The following RNF213 variants were observed in gnomAD, a reference collection of about 807,000 sequenced individuals.
RNF213 encodes E3 ubiquitin-protein ligase RNF213.
RNF213 carries 341 observed loss-of-function variants against 514.4 expected under a neutral mutation model. The ratio of observed to expected loss-of-function variants is 0.66; its 90% CI spans 0.61 to 0.73. The LOEUF is 0.73. RNF213 is among the 30% of genes least tolerant of loss of function. RNF213 has a pLI of 0.00. For missense variants in RNF213, 5,767 were observed against 6,615.6 expected (o/e 0.87, Z 4.45); for synonymous variants, 2,655 against 2,658.2 (o/e 1.00, Z 0.04).
intron 63 of RNF213, among the ~76,000 whole-genome samples, chr17:80,388,052 C>T (rs892925443): frequency 2.0e-5 from 3 of 151,908 alleles, no homozygotes; most frequent in Non-Finnish European, 2.9e-5. Context: ...CTCCACCTCC[C>T]GGGTTCACTC....
intron 45 of RNF213, 24 bp from the exon 46 acceptor site, chr17:80,369,744 C>G: frequency 6.2e-7 from 1 of 1,612,102 alleles, no homozygotes; most frequent in Non-Finnish European, 8.5e-7. Context: ...ATGCAGTGAG[C>G]TGCCTTTTTC....
rs772974232 is a variant in RNF213 at position 80,376,430 on chromosome 17, C to G, written c.13315C>G (p.Leu4439Val). The change falls in exon 52 of 68, where the codon CTT becomes GTT. Residue 4439 changes from leucine to valine, a missense_variant. Physicochemically the swap from Leu to Val is conservative, Grantham distance 32. Coordinates refer to ENST00000582970, the MANE Select transcript of RNF213 (RefSeq NM_001256071.3). ...LLRAGPSDSNLDGTVTEMAIH... is the reference protein window; with the variant it reads ...LLRAGPSDSNVDGTVTEMAIH... ...GAGGGCGGGGCCTAGTGACAGCAAC[C>G]TTGATGGAACGGTGACAGAAATGGC... 24 of 1,614,068 alleles carry G rather than the reference C, an allele frequency of 1.5e-5. No individual in the cohort carries two copies. The highest frequency in any genetic ancestry group is 1.5e-5 in the Non-Finnish European group (18 of 1,180,048).
At chr17:80,361,516 T>TC (rs2079054137) in intron 38 of RNF213, among the ~76,000 whole-genome samples, 1 of 151,942 alleles carries the variant, frequency 6.6e-6, no homozygotes, top group Admixed American at 6.6e-5. Context: ...AGAGTAAGAC[T>TC]CCATCTCCAA....
chr17:80,307,417 G>A (rs1013407254), intron 13 of RNF213, among the ~76,000 whole-genome samples: 2 of 144,834 alleles, frequency 1.4e-5, no homozygotes, highest in African/African-American at 5.2e-5. Flanking sequence ...AGGCTGGAGT[G>A]CAGTGACGCA....
At chr17:80,361,120 A>G (rs1269882037) in intron 38 of RNF213, among the ~76,000 whole-genome samples, 1 of 152,110 alleles carries the variant, frequency 6.6e-6, no homozygotes, top group Non-Finnish European at 1.5e-5. Flanking sequence ...GCAACATACA[A>G]TGTAGCCATG....
intron 3 of RNF213, among the ~76,000 whole-genome samples, chr17:80,275,670 AT>A (rs989876767): frequency 1.3e-5 from 2 of 150,574 alleles, no homozygotes; most frequent in Non-Finnish European, 1.5e-5. Context: ...ATTTTATTTT[AT>A]TTTTTTTTGA....
chr17:80,333,671 G>T (rs189374832), intron 21 of RNF213, among the ~76,000 whole-genome samples: 1 of 151,310 alleles, frequency 6.6e-6, no homozygotes, highest in East Asian at 2.0e-4. Flanking sequence ...TCCAGCCTGG[G>T]CGACAGAGTG....
intron 3 of RNF213, among the ~76,000 whole-genome samples, chr17:80,273,912 GC>G (rs1179698136): frequency 1.3e-5 from 2 of 151,822 alleles, no homozygotes; most frequent in Non-Finnish European, 2.9e-5. Context: ...GAGCCACCGC[GC>G]CCGGCCTCCA....
Position 80,377,749 on chromosome 17 carries a change from G to C in RNF213, c.13511-13G>C. 1 of 1,614,164 alleles carries C rather than the reference G, an allele frequency of 6.2e-7. No individual in the cohort carries two copies. Among genetic ancestry groups the C allele is most frequent in the East Asian group, 2.2e-5 (1 of 44,884 alleles). On this transcript the variant is annotated splice_polypyrimidine_tract_variant and intron_variant, in intron 53 of 67. Transcript: ENST00000582970. This position sits in a 1 kb window ranked among gnomAD's most constrained non-coding sequence, Gnocchi z 4.1. Reference sequence around the variant, plus strand: ...AACCTCATTAGCCAATGTGTGTCCTGTTCTCTTCACAGCTTGTCCCAACGG... The same window carrying C: ...AACCTCATTAGCCAATGTGTGTCCTCTTCTCTTCACAGCTTGTCCCAACGG...
At position 80,363,112 on chromosome 17, in the gene RNF213, T is replaced by C. The variant is rs143302645; in HGVS notation, c.11366T>C (p.Met3789Thr). ...TTTTTTGAATCCCAGTTTCTGCAGA[T>C]GGCTCTGTGGTCCTGCACTAGGAAA... ...STEEELKFLQ[M>T]ALWSCTRKLK... The change falls in exon 40 of 68, where the codon ATG (methionine) becomes ACG (threonine). Residue 3789 changes from methionine (M) to threonine (T), a missense_variant. Physicochemically the swap from Met to Thr is moderately conservative, Grantham distance 81. Coordinates refer to ENST00000582970, the MANE Select transcript of RNF213 (RefSeq NM_001256071.3). The C allele has an allele frequency of 2.0e-4, 316 of 1,613,990 alleles. No individual in the cohort carries two copies. Among genetic ancestry groups the C allele is most frequent in the Non-Finnish European group, 2.6e-4 (306 of 1,179,942 alleles).
chr17:80,263,060 C>T lies in RNF213; in HGVS notation c.-108-514C>T, dbSNP rs1013698326. ...CTCTCACCCTGGATGCAAGAAGTGA[C>T]CCCGGAGGCCTGAGTCCTGGCCTTG... On this transcript the variant is annotated intron_variant, in intron 1 of 67. Transcript: ENST00000582970. The surrounding 1 kb of genome is among the most constrained non-coding windows in gnomAD (Gnocchi z 4.9). Among the ~76,000 whole-genome samples, 2 of 152,200 alleles carry T rather than the reference C, an allele frequency of 1.3e-5. No homozygotes were observed. The highest frequency in any genetic ancestry group is 4.8e-5 in the African/African-American group (2 of 41,450).
chr17:80,381,446 G>T, intron 56 of RNF213, 101 bp from the exon 57 acceptor site: 2 of 1,275,752 alleles, frequency 1.6e-6, no homozygotes, highest in Non-Finnish European at 2.3e-6. Flanking sequence ...ACCGCCTTCC[G>T]ACTCTATGCT....
At position 80,345,236 on chromosome 17, in the gene RNF213, G is replaced by A. The variant is rs747079249; in HGVS notation, c.6901G>A (p.Glu2301Lys). Residue 2301 changes from glutamate to lysine, a missense_variant, in exon 29 of 68, where the codon GAG (glutamate) becomes AAG (lysine). Coordinates refer to ENST00000582970, the MANE Select transcript of RNF213 (RefSeq NM_001256071.3). This position sits in a 1 kb window ranked among gnomAD's most constrained non-coding sequence, Gnocchi z 6.0. ...PFSLRKRWES[E>K]PHPYVFFNDD... Reference sequence around the variant, plus strand: ...CTCCCTCCGGAAGAGGTGGGAGTCGGAGCCTCACCCATACGTTTTCTTCAA... The same window carrying A: ...CTCCCTCCGGAAGAGGTGGGAGTCGAAGCCTCACCCATACGTTTTCTTCAA... 1.9e-6 allele frequency: 3 copies of A among 1,614,134 alleles called. No individual in the cohort carries two copies. The highest frequency in any genetic ancestry group is 2.5e-6 in the Non-Finnish European group (3 of 1,180,028).
intron 38 of RNF213, 59 bp downstream of exon 38, chr17:80,360,265 G>C (rs1174172077): frequency 4.0e-5 from 63 of 1,570,176 alleles, no homozygotes; most frequent in Non-Finnish European, 3.5e-6. Context: ...GGGATTGCCT[G>C]ACAGTGAAAA....
At chr17:80,384,887 C>G in intron 59 of RNF213, 152 bp from the exon 60 acceptor site, 1 of 828,954 alleles carries the variant, frequency 1.2e-6, no homozygotes, top group African/African-American at 1.7e-5. Context: ...AAGAACTTTT[C>G]CCGTTTTCAA....
At position 80,344,723 on chromosome 17, in the gene RNF213, G is replaced by A. The variant is rs142507915; in HGVS notation, c.6388G>A (p.Val2130Ile). Residue 2130 changes from valine (V) to isoleucine (I), a missense_variant, in exon 29 of 68, where the codon GTC (valine) becomes ATC (isoleucine). Val to Ile is a conservative substitution (Grantham distance 29). This residue lies in a region of RNF213 where 1,377 missense variants were observed against 1,635.2 expected (regional missense o/e 0.84). Transcript: ENST00000582970. ...QFSFLDIFPK[V>I]TCRPPKEVID... ...CAGTTTTCTTGACATCTTCCCAAAA[G>A]TCACCTGCAGGCCTCCCAAAGAGGT... is the stretch of plus-strand genomic sequence containing the variant. 8.7e-5 allele frequency: 140 copies of A among 1,614,118 alleles called. No homozygotes were observed. The African/African-American group carries it at 1.7e-3, about 19-fold the overall frequency.
chr17:80,349,986 G>T, intron 30 of RNF213, 80 bp downstream of exon 30: 1 of 1,499,202 alleles, frequency 6.7e-7, no homozygotes, highest in Non-Finnish European at 9.3e-7. Context: ...TGGTACCCGC[G>T]CCGGTTAATG....
intron 39 of RNF213, among the ~76,000 whole-genome samples, chr17:80,362,289 A>G (rs1306340104): frequency 6.6e-6 from 1 of 152,226 alleles, no homozygotes; most frequent in Admixed American, 6.5e-5. Context: ...TTCAGTACAT[A>G]AAAAAGGAGA....
chr17:80,264,103 A>G lies in RNF213; in HGVS notation c.97+325A>G, dbSNP rs2043526131. On this transcript the variant is annotated intron_variant, in intron 2 of 67. Coordinates refer to ENST00000582970, the MANE Select transcript of RNF213 (RefSeq NM_001256071.3). This position sits in a 1 kb window ranked among gnomAD's most constrained non-coding sequence, Gnocchi z 5.0. Reference sequence around the variant, plus strand: ...GCCAGGGCAGGGAGAGGACAAAACAAGAAGTTTTGTCGGGGTCTTTGCTGG... The same window carrying G: ...GCCAGGGCAGGGAGAGGACAAAACAGGAAGTTTTGTCGGGGTCTTTGCTGG... Among the ~76,000 whole-genome samples, 1 of 152,204 alleles carries G rather than the reference A, an allele frequency of 6.6e-6. No individual in the cohort carries two copies. The highest frequency in any genetic ancestry group is 6.5e-5 in the Admixed American group (1 of 15,270).
Sources: gnomAD v4.1 joint callset for allele counts (sites outside exome capture counted in the v4.1 genomes callset) on GRCh38, gnomAD v4.1.1 for gene constraint, gnomAD v4.1.1 regional missense constraint, Gnocchi (gnomAD v3.1) non-coding constraint, MANE v1.5 for transcripts, NCBI Gene and HGNC (gene_info 2026-07-23, HGNC 2026-07-21) for gene names.